Variants in ALAD observed in about 807,000 individuals in gnomAD.
The protein encoded by ALAD is aminolevulinate dehydratase, also known as delta-aminolevulinic acid dehydratase.
Under a neutral mutation model 44.4 loss-of-function variants are expected in ALAD, and 20 were observed. The ratio of observed to expected loss-of-function variants is 0.45; its 90% CI spans 0.32 to 0.65. ALAD has a LOEUF of 0.65. Ranked by LOEUF, ALAD falls within the 30% of genes least tolerant of loss-of-function variation. The pLI, the probability that ALAD is intolerant of heterozygous loss-of-function variation, is 0.05. For synonymous variants in ALAD, 156 were observed against 167.9 expected, an observed-to-expected ratio of 0.93 and a Z score of 0.55; for missense variants, 323 against 445.7, an observed-to-expected ratio of 0.72 and a Z score of 2.48.
intron 1 of ALAD, among the ~76,000 whole-genome samples, chr9:113,400,090 G>A (rs936673223): frequency 5.3e-5 from 8 of 152,184 alleles, no homozygotes; most frequent in Admixed American, 1.3e-4. Context: ...CCATTTAGAC[G>A]TAGGAGAAGC....
At position 113,392,099 on chromosome 9, in the gene ALAD, C is replaced by G. The variant is rs756192394; in HGVS notation, c.164+20G>C. The G allele has an allele frequency of 6.3e-7, 1 of 1,599,838 alleles. No homozygotes were observed. Among genetic ancestry groups the G allele is most frequent in the Non-Finnish European group, 8.5e-7 (1 of 1,172,618 alleles). On this transcript the variant is annotated intron_variant, in intron 3 of 11. Transcript: ENST00000409155. ...CTCTCCCTCCACCACCCGCTGGCCC[C>G]CCAACTCCACGTCTCCTACCTGGCC...
At chr9:113,394,516 T>C (rs818680) in intron 1 of ALAD, among the ~76,000 whole-genome samples, 56,124 of 150,712 alleles carry the variant, frequency 0.37, 10,848 homozygotes, top group Non-Finnish European at 0.4. Context: ...CCAGCCTGGG[T>C]GAGAGAGGGA....
chr9:113,390,297 C>A, intron 7 of ALAD, 108 bp downstream of exon 7: 3 of 1,167,452 alleles, frequency 2.6e-6, no homozygotes, highest in Non-Finnish European at 1.2e-6. Context: ...GCTGGGACTA[C>A]AGGTGTGAGC....
At chr9:113,388,804 G>A (rs1023539084) in intron 11 of ALAD, among the ~76,000 whole-genome samples, 173 bp downstream of exon 11, 8 of 152,266 alleles carry the variant, frequency 5.3e-5, no homozygotes, top group East Asian at 1.9e-4. Flanking sequence ...TTGCTTCACC[G>A]GGCCGTGTTC....
rs1827444981 is a variant in ALAD, at chr9:113,387,884, G to A, written c.*416C>T. The A allele has an allele frequency of 3.4e-6, 1 of 297,822 alleles. No individual in the cohort carries two copies. Among genetic ancestry groups the A allele is most frequent in the African/African-American group, 2.2e-5 (1 of 46,154 alleles). The allele number at this position is 297,822 out of a possible 1,614,324, so 18.4% of individuals were successfully genotyped here. On this transcript the variant is annotated 3_prime_UTR_variant, in exon 12 of 12. Transcript: ENST00000409155. ...GATCTAGGCCTCATTCCCACACCCA[G>A]CTCTGCTGCCAGAAGCGTTCCAAGG...
intron 1 of ALAD, 90 bp from the exon 2 acceptor site, chr9:113,393,724 T>A: frequency 3.2e-6 from 2 of 623,624 alleles, no homozygotes; most frequent in Non-Finnish European, 5.8e-6. Context: ...GATTCCTGCC[T>A]CCCCTCTCTC....
At chr9:113,395,948 C>T (rs973692981) in intron 1 of ALAD, among the ~76,000 whole-genome samples, 1 of 152,106 alleles carries the variant, frequency 6.6e-6, no homozygotes, top group African/African-American at 2.4e-5. Context: ...AATCCCAGCA[C>T]TTTGGGAGGC....
chr9:113,395,776 C>T (rs950078342), intron 1 of ALAD, among the ~76,000 whole-genome samples: 6 of 152,058 alleles, frequency 3.9e-5, no homozygotes, highest in Non-Finnish European at 5.9e-5. Flanking sequence ...AGAAGACAGG[C>T]GCCAGGCGTA....
chr9:113,393,486 G>T lies in ALAD; in HGVS notation c.74C>A (p.Thr25Asn). 1 of 1,612,878 alleles carries T rather than the reference G, an allele frequency of 6.2e-7. No individual in the cohort carries two copies. Among genetic ancestry groups the T allele is most frequent in the Non-Finnish European group, 8.5e-7 (1 of 1,179,192 alleles). The change falls in exon 2 of 12, where the codon ACC becomes AAC. Residue 25 changes from threonine to asparagine, a missense_variant. Transcript: ENST00000409155. ...LLRAWQTATT[T>N]LNASNLIYPI... ...GTAGATGAGGTTGGAGGCATTGAGG[G>T]TGGTGGTGGCTGTCTGCCAGGCCCG...
In ALAD at chr9:113,400,316, C is replaced by T. The variant is rs1827823150; in HGVS notation, c.-76+896G>A. 3.9e-5 allele frequency among the ~76,000 whole-genome samples: 6 copies of T among 152,304 alleles called. No individual in the cohort carries two copies. The South Asian group carries it at 1.2e-3, about 32-fold the overall frequency. ...CATACTTTAAGGATAGATATCAAAT[C>T]TGTTTCCCAGCAGGTTGGGCTTGTG... On this transcript the variant is annotated intron_variant, in intron 1 of 11. Transcript: ENST00000409155.
chr9:113,388,154 C>G lies in ALAD; in HGVS notation c.*146G>C. 1 of 857,348 alleles carries G rather than the reference C, an allele frequency of 1.2e-6. No individual in the cohort carries two copies. Among genetic ancestry groups the G allele is most frequent in the Non-Finnish European group, 1.9e-6 (1 of 515,746 alleles). 53.1% of individuals were successfully genotyped at this position (857,348 alleles called of 1,614,324 possible). A position where few individuals can be genotyped will look rare whatever the true frequency, so the allele number is the denominator to read the frequency against. On this transcript the variant is annotated 3_prime_UTR_variant, in exon 12 of 12. Transcript: ENST00000409155. ...AAGAGTTAGCATGCTGGCAAAACCA[C>G]CCAGGGCTGCTGGGCCCCGCTAGCA... is the stretch of plus-strand genomic sequence containing the variant.
chr9:113,400,783 T>C (rs1419183344), intron 1 of ALAD, among the ~76,000 whole-genome samples: 4 of 151,984 alleles, frequency 2.6e-5, no homozygotes, highest in Non-Finnish European at 5.9e-5. Flanking sequence ...GATCGCGCCA[T>C]TGCACTCCAG....
rs1194939899 is a variant in ALAD at position 113,392,138 on chromosome 9, T to C, written c.145A>G (p.Ser49Gly). The stretch of plus-strand genomic sequence containing the variant: ...TCCTACCTGGCCACTCCTGGGAGGC[T>C]GGTGATAGGCTGTATGTCATCAGGA... Reference protein sequence around the residue: ...DVPDDIQPITSLPGVARYGVK... With the variant: ...DVPDDIQPITGLPGVARYGVK... Residue 49 changes from serine (S) to glycine (G), a missense_variant, in exon 3 of 12, where the codon AGC becomes GGC. Transcript: ENST00000409155. 3 of 1,613,684 alleles carry C rather than the reference T, an allele frequency of 1.9e-6. No homozygotes were observed. The highest frequency in any genetic ancestry group is 2.5e-6 in the Non-Finnish European group (3 of 1,179,860).
chr9:113,397,719 G>A (rs1827770692), intron 1 of ALAD, among the ~76,000 whole-genome samples: 1 of 149,566 alleles, frequency 6.7e-6, no homozygotes, highest in Admixed American at 6.7e-5. Context: ...CCACCTCCTG[G>A]GTTCAAGTGA....
chr9:113,395,824 G>A (rs1827711386), intron 1 of ALAD, among the ~76,000 whole-genome samples: 1 of 152,244 alleles, frequency 6.6e-6, no homozygotes. Flanking sequence ...TTGGGAGGCT[G>A]AGGCGGGTGG....
At chr9:113,392,206 T>G in intron 2 of ALAD, 37 bp from the exon 3 acceptor site, 1 of 1,613,204 alleles carries the variant, frequency 6.2e-7, no homozygotes, top group Non-Finnish European at 8.5e-7. Context: ...TTGGTAGCTG[T>G]GGGAAGGGCC....
In ALAD at chr9:113,387,001, CTT is replaced by C. The variant is rs1180453237; in HGVS notation, c.*1297_*1298del. On this transcript the variant is annotated 3_prime_UTR_variant, in exon 12 of 12. Coordinates refer to ENST00000409155, the MANE Select transcript of ALAD (RefSeq NM_000031.6). ...CCCGCTCCAGTCCATGCCATCAAGA[CTT>C]TTCATTTGCACTTTGCCGCAGAGCT... is the stretch of plus-strand genomic sequence containing the variant. 1 of 152,256 alleles carries C rather than the reference CTT, an allele frequency of 6.6e-6. No homozygotes were observed. Among genetic ancestry groups the C allele is most frequent in the Non-Finnish European group, 1.5e-5 (1 of 68,070 alleles). The allele number at this position is 152,256 out of a possible 1,614,324, so 9.4% of individuals were successfully genotyped here.
At chr9:113,399,115 A>G (rs193182121) in intron 1 of ALAD, among the ~76,000 whole-genome samples, 1 of 152,334 alleles carries the variant, frequency 6.6e-6, no homozygotes, top group Non-Finnish European at 1.5e-5. Flanking sequence ...AGAAAGATCC[A>G]TGTTTCAGGG....
chr9:113,388,130 A>C lies in ALAD; in HGVS notation c.*170T>G, dbSNP rs994782982. 1 of 704,434 alleles carries C rather than the reference A, an allele frequency of 1.4e-6. No individual in the cohort carries two copies. Among genetic ancestry groups the C allele is most frequent in the East Asian group, 2.7e-5 (1 of 36,848 alleles). 43.6% of individuals were successfully genotyped at this position (704,434 alleles called of 1,614,324 possible). ...TCATAGGATGCAGCTGCGAGTTACA[A>C]GAGTTAGCATGCTGGCAAAACCACC... On this transcript the variant is annotated 3_prime_UTR_variant, in exon 12 of 12. Coordinates refer to ENST00000409155, the MANE Select transcript of ALAD (RefSeq NM_000031.6).
Sources: allele counts gnomAD v4.1 joint callset (sites outside exome capture counted in the v4.1 genomes callset), GRCh38; gene constraint gnomAD v4.1.1; transcripts MANE v1.5; gene names NCBI Gene and HGNC (gene_info 2026-07-23, HGNC 2026-07-21).